Variants in EDN3 observed in about 807,000 individuals in gnomAD.
EDN3 encodes endothelin 3.
Under a neutral mutation model 21.4 loss-of-function variants are expected in EDN3, and 9 were observed. The ratio of observed to expected loss-of-function variants is 0.42; its 90% CI spans 0.25 to 0.73. The LOEUF (loss-of-function observed/expected upper bound fraction) is 0.73, where lower values mean the gene tolerates loss of function less well. EDN3 is among the 30% of genes least tolerant of loss of function. The pLI, the probability that EDN3 is intolerant of heterozygous loss-of-function variation, is 0.26. For synonymous variants in EDN3, 133 were observed against 126.2 expected, an observed-to-expected ratio of 1.05 and a Z score of -0.36; for missense variants, 327 against 309.4, an observed-to-expected ratio of 1.06 and a Z score of -0.43.
chr20:59,322,433 A>G lies in EDN3; in HGVS notation c.588+16A>G. 1 of 1,614,190 alleles carries G rather than the reference A, an allele frequency of 6.2e-7. No homozygotes were observed. Among genetic ancestry groups the G allele is most frequent in the East Asian group, 2.2e-5 (1 of 44,886 alleles). On this transcript the variant is annotated intron_variant, in intron 4 of 4. Coordinates refer to ENST00000337938, the MANE Select transcript of EDN3 (RefSeq NM_207034.3). The surrounding 1 kb of genome is among the most constrained non-coding windows in gnomAD (Gnocchi z 4.1). ...GGAAGGGAAGGTGAGAGGTGCCAAC[A>G]GAGGCCTGTGTCAAAGGAGGTGAAG... is the stretch of plus-strand genomic sequence containing the variant.
At position 59,301,742 on chromosome 20, in the gene EDN3, T is replaced by G; in HGVS notation, c.365+20T>G. 6.2e-7 allele frequency: 1 copy of G among 1,613,664 alleles called. No individual in the cohort carries two copies. Among genetic ancestry groups the G allele is most frequent in the Non-Finnish European group, 8.5e-7 (1 of 1,179,578 alleles). ...TCCCGAGTAAGTCAGCCTTTTGTGG[T>G]GAGGAACGTGGCTCCCGGACCAGGC... On this transcript the variant is annotated intron_variant, in intron 2 of 4. Coordinates refer to ENST00000337938, the MANE Select transcript of EDN3 (RefSeq NM_207034.3).
chr20:59,306,737 G>A (rs1427893078), intron 2 of EDN3, among the ~76,000 whole-genome samples: 20 of 151,766 alleles, frequency 1.3e-4, no homozygotes, highest in Admixed American at 1.2e-3. Context: ...ATGGTCTCAA[G>A]AAGAGATATT....
At chr20:59,306,922 A>G (rs148777163) in intron 2 of EDN3, among the ~76,000 whole-genome samples, 2,359 of 152,270 alleles carry the variant, frequency 0.015, 73 homozygotes, top group African/African-American at 0.053. Flanking sequence ...AGGTGGGCAG[A>G]TCACTTGAAG....
At chr20:59,300,976 T>C in intron 1 of EDN3, 112 bp downstream of exon 1, 1 of 1,309,188 alleles carries the variant, frequency 7.6e-7, no homozygotes, top group Non-Finnish European at 1.1e-6. Flanking sequence ...AACTCTTGCC[T>C]GGGCTCTGCA....
At chr20:59,315,725 G>C (rs1051244282) in intron 2 of EDN3, among the ~76,000 whole-genome samples, 1 of 152,120 alleles carries the variant, frequency 6.6e-6, no homozygotes, top group Admixed American at 6.5e-5. Flanking sequence ...ATGAGCGAAG[G>C]GGGCCAGGTA....
chr20:59,312,855 A>T (rs1989920812), intron 2 of EDN3, among the ~76,000 whole-genome samples: 1 of 152,192 alleles, frequency 6.6e-6, no homozygotes, highest in Non-Finnish European at 1.5e-5. Context: ...TCTCAGGGCC[A>T]GAAGGAAGGT....
intron 1 of EDN3, 59 bp downstream of exon 1, chr20:59,300,923 C>T (rs1000043767): frequency 6.3e-7 from 1 of 1,582,768 alleles, no homozygotes; most frequent in South Asian, 1.1e-5. Context: ...GGACCCAGGG[C>T]GGGGGACCCG....
intron 2 of EDN3, among the ~76,000 whole-genome samples, chr20:59,314,102 G>A (rs1990022418): frequency 1.3e-5 from 2 of 152,096 alleles, no homozygotes; most frequent in South Asian, 4.1e-4. Context: ...TGGGCAGCGG[G>A]CACACCTGGG....
chr20:59,301,673 G>C lies in EDN3; in HGVS notation c.316G>C (p.Glu106Gln), dbSNP rs1482093833. Residue 106 changes from glutamate to glutamine, a missense_variant, in exon 2 of 5, where the codon GAG becomes CAG. Glu to Gln is a conservative substitution (Grantham distance 29). Transcript: ENST00000337938. The stretch of plus-strand genomic sequence containing the variant: ...CACGTGCTTCACCTACAAGGACAAG[G>C]AGTGTGTCTACTATTGCCACCTGGA... ...RCTCFTYKDK[E>Q]CVYYCHLDII... 6.2e-7 allele frequency: 1 copy of C among 1,614,230 alleles called. No individual in the cohort carries two copies. Among genetic ancestry groups the C allele is most frequent in the South Asian group, 1.1e-5 (1 of 91,084 alleles).
Position 59,313,573 on chromosome 20 carries a change from C to T in EDN3, c.366-7444C>T, listed in dbSNP as rs187242241. On this transcript the variant is annotated intron_variant, in intron 2 of 4. Coordinates refer to ENST00000337938, the MANE Select transcript of EDN3 (RefSeq NM_207034.3). ...TTTTAAAAAGGCAACAATTAACCCA[C>T]AGCACATTGCTCACTGCTTTTGGTA... Among the ~76,000 whole-genome samples, 213 of 152,344 alleles carry T rather than the reference C, an allele frequency of 1.4e-3. 1 individual carries two copies. The highest frequency in any genetic ancestry group is 1.8e-3 in the Non-Finnish European group (125 of 68,040).
At chr20:59,300,967 ACT>A in intron 1 of EDN3, 103 bp downstream of exon 1, 1 of 1,386,676 alleles carries the variant, frequency 7.2e-7, no homozygotes, top group Non-Finnish European at 9.9e-7. Flanking sequence ...CGGGGAGCAA[ACT>A]CTTGCCTGGG....
At chr20:59,308,674 G>A (rs1198918582) in intron 2 of EDN3, among the ~76,000 whole-genome samples, 2 of 152,234 alleles carry the variant, frequency 1.3e-5, no homozygotes, top group Non-Finnish European at 2.9e-5. Context: ...GGTTAGCACA[G>A]CGCCTACAAT....
At chr20:59,315,364 T>C (rs1347029593) in intron 2 of EDN3, among the ~76,000 whole-genome samples, 1 of 152,240 alleles carries the variant, frequency 6.6e-6, no homozygotes, top group African/African-American at 2.4e-5. Context: ...GAGCCATGCT[T>C]TCTGTACAAT....
chr20:59,316,012 T>C (rs1254173137), intron 2 of EDN3, among the ~76,000 whole-genome samples: 1 of 152,034 alleles, frequency 6.6e-6, no homozygotes, highest in Non-Finnish European at 1.5e-5. Flanking sequence ...GGTGAAACCC[T>C]GTCTCTACTA....
At chr20:59,301,146 CGAACTATT>C (rs1313694129) in intron 1 of EDN3, among the ~76,000 whole-genome samples, 5 of 152,314 alleles carry the variant, frequency 3.3e-5, no homozygotes, top group African/African-American at 1.2e-4. Flanking sequence ...AGAAAGTTTG[CGAACTATT>C]CAGAGGCTGT....
chr20:59,300,873 A>T lies in EDN3; in HGVS notation c.52+9A>T. On this transcript the variant is annotated intron_variant, in intron 1 of 4. Coordinates refer to ENST00000337938, the MANE Select transcript of EDN3 (RefSeq NM_207034.3). Reference sequence around the variant, plus strand: ...AGTGACCTCCGCCGCAGGTAAGCGCACGGGGCGGCGCGCCTCTCCTGGCGC... The same window carrying T: ...AGTGACCTCCGCCGCAGGTAAGCGCTCGGGGCGGCGCGCCTCTCCTGGCGC... 2 of 1,610,160 alleles carry T rather than the reference A, an allele frequency of 1.2e-6. No homozygotes were observed. Among genetic ancestry groups the T allele is most frequent in the South Asian group, 1.1e-5 (1 of 90,956 alleles).
chr20:59,321,890 A>G lies in EDN3; in HGVS notation c.543-482A>G, dbSNP rs530704780. Among the ~76,000 whole-genome samples the G allele has an allele frequency of 2.6e-5, 4 of 152,348 alleles. No homozygotes were observed. In the East Asian group the frequency reaches 7.7e-4, roughly 29 times the overall value. On this transcript the variant is annotated intron_variant, in intron 3 of 4. Coordinates refer to ENST00000337938, the MANE Select transcript of EDN3 (RefSeq NM_207034.3). ...GGGGCTTTGAGCTGGTATTCACATAACAGGTATTCCTGTTAATGCTCCTTA... is the reference window on the plus strand; with the variant it reads ...GGGGCTTTGAGCTGGTATTCACATAGCAGGTATTCCTGTTAATGCTCCTTA...
At chr20:59,302,404 C>T (rs1470571691) in intron 2 of EDN3, among the ~76,000 whole-genome samples, 1 of 152,180 alleles carries the variant, frequency 6.6e-6, no homozygotes, top group Non-Finnish European at 1.5e-5. Flanking sequence ...TACCCTAGGG[C>T]CTAGACAGCA....
Position 59,300,772 on chromosome 20 carries a change from C to T in EDN3, c.-41C>T, listed in dbSNP as rs371551500. The T allele has an allele frequency of 2.2e-5, 35 of 1,595,516 alleles. No homozygotes were observed. The highest frequency in any genetic ancestry group is 2.7e-5 in the Non-Finnish European group (32 of 1,172,658). ...AGTGCCCTTTCGCGGCCACAAGCGG[C>T]CGTCCTCCTGGTCCGGTGCTCCGGC... On this transcript the variant is annotated 5_prime_UTR_variant, in exon 1 of 5. Transcript: ENST00000337938.
Sources: gnomAD v4.1 joint callset for allele counts (sites outside exome capture counted in the v4.1 genomes callset) on GRCh38, gnomAD v4.1.1 for gene constraint, Gnocchi (gnomAD v3.1) non-coding constraint, MANE v1.5 for transcripts, NCBI Gene and HGNC (gene_info 2026-07-23, HGNC 2026-07-21) for gene names.